Variants in CRYBG1 observed in about 807,000 individuals in gnomAD.
CRYBG1 encodes beta/gamma crystallin domain-containing protein 1.
A neutral mutation model predicts 189.2 loss-of-function variants in CRYBG1; 139 were observed. The ratio of observed to expected loss-of-function variants is 0.73; its 90% CI spans 0.64 to 0.85. The LOEUF (loss-of-function observed/expected upper bound fraction) is 0.85, where lower values mean the gene tolerates loss of function less well. CRYBG1 is among the 40% of genes least tolerant of loss of function. CRYBG1 has a pLI of 0.00. For synonymous variants in CRYBG1, 1,023 were observed against 1,017.1 expected (o/e 1.01, Z -0.11); for missense variants, 2,611 against 2,675.8 (o/e 0.98, Z 0.53).
intron 13 of CRYBG1, among the ~76,000 whole-genome samples, chr6:106,547,323 G>C (rs1770723): frequency 6.6e-6 from 1 of 151,876 alleles, no homozygotes; most frequent in Non-Finnish European, 1.5e-5. Flanking sequence ...ATTGCGGTCT[G>C]TTATGTGCAA....
chr6:106,459,741 C>T (rs1771964938), intron 2 of CRYBG1, among the ~76,000 whole-genome samples: 1 of 152,030 alleles, frequency 6.6e-6, no homozygotes, highest in Admixed American at 6.5e-5. Flanking sequence ...ACAACACCAT[C>T]TCTATGCTTT....
At chr6:106,493,329 A>C (rs994773889) in intron 2 of CRYBG1, among the ~76,000 whole-genome samples, 12 of 152,218 alleles carry the variant, frequency 7.9e-5, no homozygotes, top group Admixed American at 2.6e-4. Context: ...GAGGATGGCC[A>C]CTATCAAAAA....
rs1771171883 is a variant in CRYBG1, at chr6:106,423,694, C to T, written c.174-28000C>T. Among the ~76,000 whole-genome samples the T allele has an allele frequency of 3.0e-5, 3 of 101,246 alleles. 1 individual carries two copies. Among genetic ancestry groups the T allele is most frequent in the African/African-American group, 8.5e-5 (2 of 23,608 alleles). 66.4% of individuals were successfully genotyped at this position (101,246 alleles called of 152,430 possible). A position where few individuals can be genotyped will look rare whatever the true frequency, so the allele number is the denominator to read the frequency against. On this transcript the variant is annotated intron_variant, in intron 1 of 21. Transcript: ENST00000633556. The stretch of plus-strand genomic sequence containing the variant: ...CCCTCCAGTCCTCAGTTCTCCCTCC[C>T]CTTTTTTTTTTTTTTTTTTTTTTTT...
intron 2 of CRYBG1, among the ~76,000 whole-genome samples, chr6:106,503,974 CT>C (rs1261394659): frequency 1.5e-5 from 2 of 137,384 alleles, no homozygotes; most frequent in Non-Finnish European, 3.1e-5. Context: ...AATAGTATAC[CT>C]TTGATTGTAC....
chr6:106,399,895 G>C (rs939567344), intron 1 of CRYBG1, among the ~76,000 whole-genome samples: 2 of 151,908 alleles, frequency 1.3e-5, no homozygotes, highest in Non-Finnish European at 2.9e-5. Flanking sequence ...CCAGCACTTT[G>C]GGAAGCCAAG....
intron 10 of CRYBG1, among the ~76,000 whole-genome samples, chr6:106,542,130 G>A (rs77980964): frequency 0.014 from 1,619 of 118,098 alleles, 34 homozygotes; most frequent in African/African-American, 0.048. Flanking sequence ...ACATATATAT[G>A]TGTGTGTGTA....
At chr6:106,446,986 C>T (rs1002217938) in intron 1 of CRYBG1, among the ~76,000 whole-genome samples, 3 of 152,194 alleles carry the variant, frequency 2.0e-5, no homozygotes, top group Non-Finnish European at 4.4e-5. Context: ...GTTCCACTTA[C>T]TTCTAAGTCT....
intron 1 of CRYBG1, among the ~76,000 whole-genome samples, chr6:106,396,905 C>T (rs1285039688): frequency 6.6e-6 from 1 of 152,240 alleles, no homozygotes; most frequent in African/African-American, 2.4e-5. Context: ...TGATCTCGAA[C>T]TCCTGACCTT....
chr6:106,554,280 T>A (rs1332146946), intron 16 of CRYBG1, among the ~76,000 whole-genome samples: 1 of 152,160 alleles, frequency 6.6e-6, no homozygotes, highest in Non-Finnish European at 1.5e-5. Context: ...TCCTGTCCTT[T>A]AGTATTGCAC....
intron 1 of CRYBG1, among the ~76,000 whole-genome samples, chr6:106,421,050 A>T (rs995741567): frequency 6.6e-6 from 1 of 152,068 alleles, no homozygotes; most frequent in Non-Finnish European, 1.5e-5. Flanking sequence ...TCCTGAGGGT[A>T]TGGGTCTGTG....
At chr6:106,507,884 G>A (rs149589139) in intron 2 of CRYBG1, among the ~76,000 whole-genome samples, 2 of 152,284 alleles carry the variant, frequency 1.3e-5, no homozygotes, top group Admixed American at 1.3e-4. Flanking sequence ...ACCTGGTCCC[G>A]TGGGAGAAGA....
At chr6:106,379,258 C>G (rs1275986061) in intron 1 of CRYBG1, among the ~76,000 whole-genome samples, 1 of 151,650 alleles carries the variant, frequency 6.6e-6, no homozygotes, top group Admixed American at 6.6e-5. Flanking sequence ...GTTTTCCTTT[C>G]TTTTCTTTTC....
chr6:106,373,883 A>G (rs1228707850), intron 1 of CRYBG1, among the ~76,000 whole-genome samples: 1 of 152,214 alleles, frequency 6.6e-6, no homozygotes, highest in African/African-American at 2.4e-5. Flanking sequence ...AATTTTAAAA[A>G]CAATTACCCA....
chr6:106,467,551 A>T (rs1772139518), intron 2 of CRYBG1, among the ~76,000 whole-genome samples: 1 of 152,206 alleles, frequency 6.6e-6, no homozygotes, highest in Admixed American at 6.5e-5. Context: ...ACCTGCTTGC[A>T]AGGACAAATC....
intron 16 of CRYBG1, 29 bp downstream of exon 16, chr6:106,553,596 G>A (rs1774460340): frequency 7.1e-7 from 1 of 1,406,578 alleles, no homozygotes; most frequent in Non-Finnish European, 1.0e-6. Flanking sequence ...TGGCAGAGCT[G>A]AATCACTGGA....
At position 106,498,763 on chromosome 6, in the gene CRYBG1, A is replaced by G. The variant is rs527620860; in HGVS notation, c.313-12667A>G. On this transcript the variant is annotated intron_variant, in intron 2 of 21. Coordinates refer to ENST00000633556, the MANE Select transcript of CRYBG1 (RefSeq NM_001371242.2). ...ATGGTGAGCACCTGTAATCCCAGCT[A>G]CTCAGAAGGCTGAGGCAGGAGGATT... Among the ~76,000 whole-genome samples, 24 of 152,178 alleles carry G rather than the reference A, an allele frequency of 1.6e-4. 1 individual carries two copies. The South Asian group carries it at 4.8e-3, about 30-fold the overall frequency.
chr6:106,517,379 CATAT>C (rs1168766104), intron 3 of CRYBG1, among the ~76,000 whole-genome samples: 2 of 71,928 alleles, frequency 2.8e-5, no homozygotes, highest in African/African-American at 9.8e-5. Context: ...TACACACACA[CATAT>C]ACACACATAT....
At chr6:106,455,742 T>C (rs1308614631) in intron 2 of CRYBG1, among the ~76,000 whole-genome samples, 1 of 152,198 alleles carries the variant, frequency 6.6e-6, no homozygotes, top group Non-Finnish European at 1.5e-5. Context: ...ACAGTAATTA[T>C]TTTATTAATT....
At chr6:106,497,101 C>T (rs1723182192) in intron 2 of CRYBG1, among the ~76,000 whole-genome samples, 1 of 152,134 alleles carries the variant, frequency 6.6e-6, no homozygotes, top group South Asian at 2.1e-4. Context: ...CAGGAAATTT[C>T]TCACCATCAG....
Sources: allele counts gnomAD v4.1 joint callset (sites outside exome capture counted in the v4.1 genomes callset), GRCh38; gene constraint gnomAD v4.1.1; transcripts MANE v1.5; gene names NCBI Gene and HGNC (gene_info 2026-07-23, HGNC 2026-07-21).